The following TUSC3 variants were observed in gnomAD, a reference collection of about 807,000 sequenced individuals.
TUSC3 encodes tumor suppressor candidate 3, also known as dolichyl-diphosphooligosaccharide--protein glycosyltransferase subunit TUSC3.
A neutral mutation model predicts 44.8 loss-of-function variants in TUSC3; 45 were observed. The observed-to-expected ratio is 1.00, with a 90% confidence interval of 0.79 to 1.29. TUSC3 has a LOEUF of 1.29. Among genes scored for constraint, TUSC3 ranks in the 50% most tolerant of loss-of-function variants. TUSC3 has a pLI of 0.00. For synonymous variants in TUSC3, 212 were observed against 152.9 expected, an observed-to-expected ratio of 1.39 and a Z score of -2.85; for missense variants, 519 against 437.9, an observed-to-expected ratio of 1.19 and a Z score of -1.65.
At chr8:15,673,558 G>A (rs1308721900) in intron 5 of TUSC3, among the ~76,000 whole-genome samples, 189 bp from the exon 6 acceptor site, 3 of 151,924 alleles carry the variant, frequency 2.0e-5, no homozygotes, top group South Asian at 4.2e-4. Context: ...TTATAGATAC[G>A]GAATCTGAGA....
intron 2 of TUSC3, among the ~76,000 whole-genome samples, chr8:15,635,633 C>G (rs1328646681): frequency 2.0e-5 from 3 of 152,122 alleles, no homozygotes; most frequent in Admixed American, 2.0e-4. Flanking sequence ...TAGTAAGGTG[C>G]CAGTGGTAGC....
chr8:15,816,714 A>G, the TUSC3 span, among the ~76,000 whole-genome samples: 4 of 152,208 alleles, frequency 2.6e-5, no homozygotes, highest in Non-Finnish European at 4.4e-5. Context: ...ATGCTCTCAA[A>G]TTACACCTTT....
chr8:15,785,578 T>C, the TUSC3 span, among the ~76,000 whole-genome samples: 1 of 152,044 alleles, frequency 6.6e-6, no homozygotes, highest in Non-Finnish European at 1.5e-5. Context: ...ATTCCTTGTT[T>C]TAGAGATAAG....
chr8:15,463,589 A>G (rs1275983432), intron 1 of TUSC3, among the ~76,000 whole-genome samples: 1 of 152,186 alleles, frequency 6.6e-6, no homozygotes, highest in Admixed American at 6.5e-5. Context: ...GGCTCTTCAT[A>G]TTGTTTAATG....
chr8:15,811,826 T>C, the TUSC3 span, among the ~76,000 whole-genome samples: 2 of 152,130 alleles, frequency 1.3e-5, no homozygotes, highest in East Asian at 3.9e-4. Context: ...TTGAGGGCTG[T>C]CACATTTGTC....
chr8:15,807,827 A>G, the TUSC3 span, among the ~76,000 whole-genome samples: 4 of 152,200 alleles, frequency 2.6e-5, no homozygotes, highest in Admixed American at 6.5e-5. Flanking sequence ...ACTCATGAAC[A>G]TAAATATGGC....
chr8:15,588,954 G>T (rs1803710217), intron 1 of TUSC3, among the ~76,000 whole-genome samples: 2 of 152,080 alleles, frequency 1.3e-5, no homozygotes, highest in South Asian at 4.1e-4. Flanking sequence ...TTTGGTTATT[G>T]TAGCCTTATT....
intron 4 of TUSC3, among the ~76,000 whole-genome samples, chr8:15,660,104 A>C (rs768267747): frequency 2.0e-5 from 3 of 152,082 alleles, no homozygotes; most frequent in African/African-American, 7.2e-5. Flanking sequence ...TCATGTCTGT[A>C]TGTAATTTAA....
the TUSC3 span, among the ~76,000 whole-genome samples, chr8:15,794,148 A>C: frequency 6.6e-6 from 1 of 152,140 alleles, no homozygotes; most frequent in South Asian, 2.1e-4. Flanking sequence ...TGCAGTAGAG[A>C]ATTAAACTTA....
At chr8:15,755,347 ATGTT>A (rs1284150791) in intron 9 of TUSC3, among the ~76,000 whole-genome samples, 16 of 152,158 alleles carry the variant, frequency 1.1e-4, no homozygotes, top group African/African-American at 3.6e-4. Context: ...TACTCAATAA[ATGTT>A]TGATGCTAAT....
At chr8:15,533,521 G>C (rs1801478873) in intron 2 of TUSC3, among the ~76,000 whole-genome samples, 1 of 152,124 alleles carries the variant, frequency 6.6e-6, no homozygotes, top group Admixed American at 6.5e-5. Context: ...AAGATCTTAA[G>C]GTCTACAAGG....
At position 15,736,786 on chromosome 8, in the gene TUSC3, A is replaced by AAAT. The variant is rs1211329724; in HGVS notation, c.862+6058_862+6060dup. 2.6e-5 allele frequency among the ~76,000 whole-genome samples: 4 copies of AAAT among 152,260 alleles called. No homozygotes were observed. The East Asian group carries it at 7.7e-4, about 29-fold the overall frequency. The stretch of plus-strand genomic sequence containing the variant: ...ACTATGTCATTTAAAATTTTATTTA[A>AAAT]AATTTCAACCAGATCAAATTAGTTT... On this transcript the variant is annotated intron_variant, in intron 7 of 10. Coordinates refer to ENST00000503731, the MANE Select transcript of TUSC3 (RefSeq NM_006765.4).
chr8:15,524,446 G>A (rs73193333), intron 2 of TUSC3, among the ~76,000 whole-genome samples: 5,207 of 151,998 alleles, frequency 0.034, 136 homozygotes, highest in Non-Finnish European at 0.055. Flanking sequence ...CAGTAATAAC[G>A]TCTTACATTT....
chr8:15,484,633 T>C (rs1400960478), intron 2 of TUSC3, among the ~76,000 whole-genome samples: 2 of 152,210 alleles, frequency 1.3e-5, no homozygotes, highest in Non-Finnish European at 2.9e-5. Context: ...AAAATACAAT[T>C]TGGCAATATG....
the TUSC3 span, among the ~76,000 whole-genome samples, chr8:15,808,385 A>T: frequency 2.6e-5 from 4 of 152,298 alleles, no homozygotes; most frequent in East Asian, 3.9e-4. Flanking sequence ...ACATTTACTT[A>T]TGTAACACTT....
the TUSC3 span, among the ~76,000 whole-genome samples, chr8:15,790,478 C>T: frequency 0.053 from 8,116 of 152,100 alleles, 273 homozygotes; most frequent in Non-Finnish European, 0.079. Context: ...CCACCATGCC[C>T]GGCCTCACCA....
intron 6 of TUSC3, among the ~76,000 whole-genome samples, chr8:15,675,897 A>T (rs146235394): frequency 6.6e-6 from 1 of 152,194 alleles, no homozygotes; most frequent in Non-Finnish European, 1.5e-5. Flanking sequence ...CAATGAACAT[A>T]CAAGTGTATG....
chr8:15,600,998 T>C (rs189996328), intron 1 of TUSC3, among the ~76,000 whole-genome samples: 385 of 151,716 alleles, frequency 2.5e-3, no homozygotes, highest in African/African-American at 8.5e-3. Flanking sequence ...TCAGAAGAAA[T>C]ACACAGGTTC....
chr8:15,605,873 G>T (rs1019936167), intron 1 of TUSC3, among the ~76,000 whole-genome samples: 2 of 151,956 alleles, frequency 1.3e-5, no homozygotes, highest in East Asian at 3.9e-4. Flanking sequence ...TAACTTCGTA[G>T]CTGCATTCCG....
Sources: gnomAD v4.1 joint callset for allele counts (sites outside exome capture counted in the v4.1 genomes callset) on GRCh38, gnomAD v4.1.1 for gene constraint, MANE v1.5 for transcripts, NCBI Gene and HGNC (gene_info 2026-07-23, HGNC 2026-07-21) for gene names.